Variants in PALM2AKAP2 observed in about 807,000 individuals in gnomAD.
The protein encoded by PALM2AKAP2 is PALM2 and AKAP2 fusion.
In PALM2AKAP2, 37 loss-of-function variants were observed where a neutral mutation model predicts 71.5. The ratio of observed to expected loss-of-function variants is 0.52; its 90% CI spans 0.40 to 0.68. The LOEUF is 0.68. Among genes scored for constraint, PALM2AKAP2 ranks in the 30% least tolerant of loss-of-function variants. The pLI is 0.00. For synonymous variants in PALM2AKAP2, 468 were observed against 478.8 expected, an observed-to-expected ratio of 0.98 and a Z score of 0.29; for missense variants, 1,224 against 1,191.8, an observed-to-expected ratio of 1.03 and a Z score of -0.40.
chr9:110,154,093 A>T (rs181861990), intron 2 of PALM2AKAP2, among the ~76,000 whole-genome samples: 2 of 152,314 alleles, frequency 1.3e-5, no homozygotes, highest in African/African-American at 4.8e-5. Context: ...GAAATTGTTC[A>T]TCTCACCCTA....
chr9:109,656,266 G>C (rs938087789), intron 1 of PALM2AKAP2, among the ~76,000 whole-genome samples: 1 of 152,166 alleles, frequency 6.6e-6, no homozygotes, highest in Non-Finnish European at 1.5e-5. Flanking sequence ...GTGGTGACTG[G>C]GGGAGATGCT....
chr9:110,030,018 G>A (rs1833250283), intron 7 of PALM2AKAP2, among the ~76,000 whole-genome samples: 1 of 152,164 alleles, frequency 6.6e-6, no homozygotes, highest in Non-Finnish European at 1.5e-5. Context: ...TAGGGGCCAA[G>A]GGAAAACTTT....
chr9:110,102,080 C>CAGCT (rs773178750), intron 1 of PALM2AKAP2, among the ~76,000 whole-genome samples: 9 of 152,202 alleles, frequency 5.9e-5, no homozygotes, highest in Non-Finnish European at 1.3e-4. Context: ...AGAGGTCCAG[C>CAGCT]AGCTTGTCTT....
At chr9:110,023,679 A>G (rs143542552) in intron 7 of PALM2AKAP2, among the ~76,000 whole-genome samples, 16 of 151,992 alleles carry the variant, frequency 1.1e-4, no homozygotes, top group African/African-American at 3.4e-4. Context: ...GCTCTCCTTC[A>G]TAGCCACTCA....
chr9:109,941,145 C>CTTTT (rs34635858), intron 6 of PALM2AKAP2, among the ~76,000 whole-genome samples: 40 of 106,218 alleles, frequency 3.8e-4, no homozygotes, highest in Middle Eastern at 6.1e-3. Flanking sequence ...TCTTCCTCTT[C>CTTTT]TTTTTTTTTT....
chr9:109,952,816 C>T (rs1422070124), intron 6 of PALM2AKAP2, among the ~76,000 whole-genome samples: 2 of 152,152 alleles, frequency 1.3e-5, no homozygotes, highest in Admixed American at 1.3e-4. Flanking sequence ...CTAGAGCATA[C>T]CAACGGGTTC....
chr9:109,837,178 T>G (rs1428894676), intron 1 of PALM2AKAP2, among the ~76,000 whole-genome samples: 1 of 152,204 alleles, frequency 6.6e-6, no homozygotes. Context: ...ACAGTGGATC[T>G]CTCTGCAGAA....
chr9:110,072,875 C>T (rs1834235544), intron 1 of PALM2AKAP2, among the ~76,000 whole-genome samples: 1 of 152,166 alleles, frequency 6.6e-6, no homozygotes, highest in African/African-American at 2.4e-5. Flanking sequence ...TCTGGCCTAC[C>T]TAGCCTGCTT....
intron 1 of PALM2AKAP2, among the ~76,000 whole-genome samples, chr9:109,645,058 C>T (rs533002168): frequency 6.6e-6 from 1 of 152,330 alleles, no homozygotes; most frequent in East Asian, 1.9e-4. Context: ...CAACACCCAA[C>T]TCTACTGGTA....
intron 1 of PALM2AKAP2, among the ~76,000 whole-genome samples, chr9:110,097,319 C>T (rs2118841526): frequency 6.7e-6 from 1 of 148,488 alleles, no homozygotes; most frequent in South Asian, 2.1e-4. Flanking sequence ...TTTCTTAGTA[C>T]AGAACAAAAT....
intron 1 of PALM2AKAP2, among the ~76,000 whole-genome samples, chr9:109,680,513 G>A (rs1011187204): frequency 1.3e-5 from 2 of 152,274 alleles, no homozygotes; most frequent in South Asian, 2.1e-4. Context: ...TCTGTGCCAT[G>A]GATCTCTTTG....
chr9:109,786,288 C>T lies in PALM2AKAP2; in HGVS notation c.45+5755C>T, dbSNP rs149184836. Among the ~76,000 whole-genome samples the T allele has an allele frequency of 1.1e-3, 167 of 152,332 alleles. 1 individual carries two copies. The highest frequency in any genetic ancestry group is 3.8e-3 in the African/African-American group (156 of 41,580). ...GTCCTTGCAATGATTTACATACTAT[C>T]CAGTCCAGCTTCCCAAGGATCCCTC... is the stretch of plus-strand genomic sequence containing the variant. On this transcript the variant is annotated intron_variant, in intron 1 of 9. Transcript: ENST00000302798.
chr9:109,713,965 T>G (rs997823468), intron 1 of PALM2AKAP2, among the ~76,000 whole-genome samples: 1 of 152,232 alleles, frequency 6.6e-6, no homozygotes, highest in Non-Finnish European at 1.5e-5. Flanking sequence ...ATATTAATAA[T>G]AGGAGAAACT....
At chr9:109,817,184 C>T (rs1214611163) in intron 1 of PALM2AKAP2, among the ~76,000 whole-genome samples, 1 of 152,214 alleles carries the variant, frequency 6.6e-6, no homozygotes, top group African/African-American at 2.4e-5. Context: ...GCCGTGCCCA[C>T]TTAAAATGGG....
At chr9:110,072,707 T>C (rs1834231186) in intron 1 of PALM2AKAP2, among the ~76,000 whole-genome samples, 1 of 152,124 alleles carries the variant, frequency 6.6e-6, no homozygotes, top group Non-Finnish European at 1.5e-5. Flanking sequence ...GGAGCCACAA[T>C]CTGTCCTCAT....
intron 3 of PALM2AKAP2, among the ~76,000 whole-genome samples, chr9:109,898,119 G>T (rs1410842847): frequency 6.6e-6 from 1 of 152,118 alleles, no homozygotes; most frequent in Non-Finnish European, 1.5e-5. Context: ...ATTAATCAGA[G>T]AACAACTTTG....
chr9:110,012,865 A>C (rs1832909851), intron 6 of PALM2AKAP2, among the ~76,000 whole-genome samples: 1 of 152,234 alleles, frequency 6.6e-6, no homozygotes, highest in Admixed American at 6.5e-5. Flanking sequence ...GATGATAGAG[A>C]TGAAAACCAA....
chr9:109,792,603 C>A (rs955020167), intron 1 of PALM2AKAP2, among the ~76,000 whole-genome samples: 1 of 152,018 alleles, frequency 6.6e-6, no homozygotes, highest in Non-Finnish European at 1.5e-5. Context: ...CTACCTTATA[C>A]CCTGACTTTG....
intron 1 of PALM2AKAP2, among the ~76,000 whole-genome samples, chr9:110,079,724 T>G (rs1038106320): frequency 5.3e-5 from 8 of 152,140 alleles, no homozygotes; most frequent in Non-Finnish European, 1.0e-4. Context: ...TGGAGCATGA[T>G]TCTATGTATC....
Sources: gnomAD v4.1 joint callset for allele counts (sites outside exome capture counted in the v4.1 genomes callset) on GRCh38, gnomAD v4.1.1 for gene constraint, MANE v1.5 for transcripts, NCBI Gene and HGNC (gene_info 2026-07-23, HGNC 2026-07-21) for gene names.